GPM6A: variants seen among roughly 807,000 people sequenced by gnomAD.
GPM6A encodes the protein neuronal membrane glycoprotein M6-a.
A neutral mutation model predicts 32.1 loss-of-function variants in GPM6A; 7 were observed. That is an observed-to-expected ratio of 0.22 (90% CI 0.12 to 0.41). GPM6A has a LOEUF of 0.41. GPM6A is among the 10% of genes least tolerant of loss of function. GPM6A has a pLI of 1.00. For synonymous variants in GPM6A, 130 were observed against 123.4 expected (o/e 1.05, Z -0.35); for missense variants, 235 against 347.2 (o/e 0.68, Z 2.57).
chr4:175,782,075 G>A lies in GPM6A; in HGVS notation c.37+30116C>T, dbSNP rs192255838. 2.6e-3 allele frequency among the ~76,000 whole-genome samples: 397 copies of A among 152,262 alleles called. 2 individuals are homozygous for A. Among genetic ancestry groups the A allele is most frequent in the African/African-American group, 9.2e-3 (383 of 41,558 alleles). On this transcript the variant is annotated intron_variant, in intron 1 of 6. Coordinates refer to ENST00000393658, the MANE Select transcript of GPM6A (RefSeq NM_201591.3). ...TATCTCATTGGATTCTTGCAAGACT[G>A]AATCATGGTAAGGCTCTGTAAGTGC... is the stretch of plus-strand genomic sequence containing the variant.
chr4:175,665,122 T>C (rs1742670002), intron 3 of GPM6A, among the ~76,000 whole-genome samples: 2 of 152,320 alleles, frequency 1.3e-5, no homozygotes, highest in African/African-American at 4.8e-5. Flanking sequence ...AGGGGGTGCA[T>C]CACTGTAATT....
chr4:175,810,146 C>G (rs1051769210), intron 1 of GPM6A, among the ~76,000 whole-genome samples: 6 of 152,136 alleles, frequency 3.9e-5, no homozygotes, highest in African/African-American at 1.4e-4. Context: ...ACGATTTTGT[C>G]TGCTTGTCAA....
intron 1 of GPM6A, among the ~76,000 whole-genome samples, chr4:175,968,540 C>T (rs1740399973): frequency 6.6e-6 from 1 of 152,148 alleles, no homozygotes; most frequent in Admixed American, 6.5e-5. Context: ...TGATTAATGA[C>T]TGGCATCCAA....
At chr4:175,861,298 G>A (rs536220958) in intron 1 of GPM6A, among the ~76,000 whole-genome samples, 1 of 150,608 alleles carries the variant, frequency 6.6e-6, no homozygotes, top group African/African-American at 2.4e-5. Context: ...GATAAAAAGG[G>A]CAAATAAAGG....
intron 1 of GPM6A, among the ~76,000 whole-genome samples, chr4:175,836,820 G>A (rs1735783978): frequency 6.6e-6 from 1 of 152,104 alleles, no homozygotes; most frequent in Non-Finnish European, 1.5e-5. Context: ...CATGAGATTA[G>A]AACTATTAGA....
intron 1 of GPM6A, among the ~76,000 whole-genome samples, chr4:175,934,924 T>C (rs887139144): frequency 2.6e-5 from 4 of 152,160 alleles, no homozygotes; most frequent in Non-Finnish European, 5.9e-5. Flanking sequence ...ACAATAATGA[T>C]AAAATTAAAT....
chr4:175,963,287 C>G (rs6823350), intron 1 of GPM6A, among the ~76,000 whole-genome samples: 1,665 of 151,858 alleles, frequency 0.011, 26 homozygotes, highest in African/African-American at 0.038. Context: ...TAACAGACAC[C>G]AAACCTCCAA....
intron 3 of GPM6A, among the ~76,000 whole-genome samples, chr4:175,652,991 A>G (rs1043818263): frequency 1.3e-5 from 2 of 152,136 alleles, no homozygotes; most frequent in African/African-American, 4.8e-5. Flanking sequence ...AGTACAGCAT[A>G]TAATAAATAT....
At chr4:175,664,063 G>A (rs1398102875) in intron 3 of GPM6A, among the ~76,000 whole-genome samples, 2 of 152,092 alleles carry the variant, frequency 1.3e-5, no homozygotes, top group Non-Finnish European at 1.5e-5. Flanking sequence ...AACCTTAAAT[G>A]CATATTGCTA....
chr4:175,889,381 C>G (rs1273410425), intron 1 of GPM6A, among the ~76,000 whole-genome samples: 1 of 151,942 alleles, frequency 6.6e-6, no homozygotes, highest in Non-Finnish European at 1.5e-5. Context: ...TAAAATTAGC[C>G]AGGCATGATG....
At chr4:175,884,372 T>C (rs1350540061) in intron 1 of GPM6A, among the ~76,000 whole-genome samples, 1 of 152,208 alleles carries the variant, frequency 6.6e-6, no homozygotes, top group Non-Finnish European at 1.5e-5. Flanking sequence ...TTCATGGTTC[T>C]TTCATACAAT....
At chr4:175,774,194 T>G (rs17606634) in intron 1 of GPM6A, among the ~76,000 whole-genome samples, 3,063 of 152,234 alleles carry the variant, frequency 0.02, 55 homozygotes, top group Non-Finnish European at 0.031. Flanking sequence ...AGTCCAGTGA[T>G]ACTTTAATGT....
upstream of GPM6A, chr4:175,812,652 G>C: frequency 3.0e-6 from 3 of 988,096 alleles, no homozygotes; most frequent in Non-Finnish European, 2.4e-6. Flanking sequence ...TGAAATCTGG[G>C]CTTTAAATTG....
intron 1 of GPM6A, among the ~76,000 whole-genome samples, chr4:175,930,398 A>G (rs1280754819): frequency 7.0e-6 from 1 of 143,066 alleles, no homozygotes. Flanking sequence ...TAAAAAAAAA[A>G]TCTTTAGAGG....
intron 1 of GPM6A, among the ~76,000 whole-genome samples, chr4:175,710,975 A>C (rs1042045551): frequency 6.6e-6 from 1 of 151,780 alleles, no homozygotes; most frequent in African/African-American, 2.4e-5. Context: ...GGAATATGAA[A>C]ACGACCCAGG....
At chr4:175,818,245 C>T (rs1735170241) in intron 1 of GPM6A, among the ~76,000 whole-genome samples, 1 of 152,162 alleles carries the variant, frequency 6.6e-6, no homozygotes, top group Non-Finnish European at 1.5e-5. Flanking sequence ...TAAAATTGTC[C>T]ATTTGTGAAT....
chr4:175,997,452 C>T lies in GPM6A; in HGVS notation c.-23+4857G>A, dbSNP rs9991544. On this transcript the variant is annotated intron_variant, in intron 1 of 7. Transcript: ENST00000280187. ...CTTAATGGAAATAGCTTAATCTTATCTTCTTTACATGTTTTTTTTTTCTCT... is the reference window on the plus strand; with the variant it reads ...CTTAATGGAAATAGCTTAATCTTATTTTCTTTACATGTTTTTTTTTTCTCT... 7.8e-3 allele frequency among the ~76,000 whole-genome samples: 1,160 copies of T among 148,722 alleles called. 21 individuals carry two copies. The highest frequency in any genetic ancestry group is 0.028 in the African/African-American group (1,110 of 39,656).
intron 1 of GPM6A, among the ~76,000 whole-genome samples, chr4:175,958,491 TC>T (rs1157541028): frequency 6.6e-6 from 1 of 152,238 alleles, no homozygotes; most frequent in African/African-American, 2.4e-5. Context: ...AACATCTGTC[TC>T]TAAATTCAAT....
At chr4:175,874,211 A>C (rs1737008332) in intron 1 of GPM6A, among the ~76,000 whole-genome samples, 1 of 152,332 alleles carries the variant, frequency 6.6e-6, no homozygotes, top group South Asian at 2.1e-4. Context: ...ATAAAGAAAT[A>C]GAAGTAATGA....
Sources: gnomAD v4.1 joint callset for allele counts (sites outside exome capture counted in the v4.1 genomes callset) on GRCh38, gnomAD v4.1.1 for gene constraint, MANE v1.5 for transcripts, NCBI Gene and HGNC (gene_info 2026-07-23, HGNC 2026-07-21) for gene names.